Variants in LDLRAD4 observed in about 807,000 individuals in gnomAD.
LDLRAD4 encodes the protein low density lipoprotein receptor class A domain containing 4, also known as low-density lipoprotein receptor class A domain-containing protein 4.
LDLRAD4 carries 5 observed loss-of-function variants against 17.0 expected under a neutral mutation model. The ratio of observed to expected loss-of-function variants is 0.29; its 90% confidence interval spans 0.15 to 0.62. The LOEUF is 0.62. LDLRAD4 is among the 20% of genes least tolerant of loss of function. The pLI is 0.84. For missense variants in LDLRAD4, 340 were observed against 424.7 expected (o/e 0.80, Z 1.75); for synonymous variants, 168 against 171.8 (o/e 0.98, Z 0.17).
chr18:13,273,215 A>T (rs147218232), upstream of LDLRAD4, among the ~76,000 whole-genome samples: 12 of 152,222 alleles, frequency 7.9e-5, no homozygotes, highest in African/African-American at 2.6e-4. Context: ...TTTCTATTTC[A>T]TATGTCACCA....
chr18:13,651,087 T>G (rs1437422293), exon 6 of LDLRAD4: 21 of 152,244 alleles, frequency 1.4e-4, no homozygotes, highest in Non-Finnish European at 7.3e-5. Flanking sequence ...AAAAATGTTG[T>G]TTTTCAACTT....
intron 1 of LDLRAD4, among the ~76,000 whole-genome samples, chr18:13,373,550 A>G (rs549535391): frequency 1.3e-5 from 2 of 152,354 alleles, no homozygotes; most frequent in South Asian, 4.1e-4. Context: ...AGCTTATACT[A>G]TAATTCAATG....
intron 3 of LDLRAD4, among the ~76,000 whole-genome samples, chr18:13,605,018 G>A (rs1379589379): frequency 1.3e-5 from 2 of 152,216 alleles, no homozygotes; most frequent in African/African-American, 4.8e-5. Flanking sequence ...GGGACAGAGA[G>A]AAAGCGGGGC....
rs57266612 is a variant in LDLRAD4 at position 13,406,120 on chromosome 18, A to T, written c.40+18358A>T. 8.1e-3 allele frequency among the ~76,000 whole-genome samples: 1,240 copies of T among 152,286 alleles called. 19 individuals carry two copies. Among genetic ancestry groups the T allele is most frequent in the African/African-American group, 0.027 (1,140 of 41,564 alleles). On this transcript the variant is annotated intron_variant, in intron 2 of 5. Transcript: ENST00000359446. ...GCTGGGCACCCATGCTGGCAGCCCC[A>T]GTGCTAGGGGACCCACGCCCATGCT...
intron 3 of LDLRAD4, among the ~76,000 whole-genome samples, chr18:13,530,422 C>T (rs886808490): frequency 7.9e-5 from 12 of 152,158 alleles, no homozygotes; most frequent in African/African-American, 2.4e-4. Context: ...TGGAGCATTC[C>T]GAGGCTTTAG....
At chr18:13,515,054 T>G (rs1345789594) in intron 3 of LDLRAD4, 5 of 152,268 alleles carry the variant, frequency 3.3e-5, no homozygotes, top group African/African-American at 1.2e-4. Flanking sequence ...GACATTTTGC[T>G]ATATTTAAAT....
At chr18:13,407,780 C>T (rs1411532964) in intron 2 of LDLRAD4, among the ~76,000 whole-genome samples, 1 of 152,216 alleles carries the variant, frequency 6.6e-6, no homozygotes, top group Non-Finnish European at 1.5e-5. Flanking sequence ...ACAGCCCTCA[C>T]CATTGCTTTT....
intron 1 of LDLRAD4, among the ~76,000 whole-genome samples, chr18:13,361,336 G>A (rs1275354258): frequency 6.6e-6 from 1 of 152,108 alleles, no homozygotes; most frequent in East Asian, 1.9e-4. Flanking sequence ...CTTGTTTCCT[G>A]TCATTTTAAC....
chr18:13,263,451 T>C (rs2044032071), intron 1 of LDLRAD4, among the ~76,000 whole-genome samples: 1 of 152,154 alleles, frequency 6.6e-6, no homozygotes, highest in Non-Finnish European at 1.5e-5. Context: ...GTGAGGACAG[T>C]GAGGGCACGG....
At chr18:13,326,314 T>G (rs928731797) in intron 1 of LDLRAD4, among the ~76,000 whole-genome samples, 1 of 152,176 alleles carries the variant, frequency 6.6e-6, no homozygotes, top group Non-Finnish European at 1.5e-5. Context: ...TACATTCTTG[T>G]GAGACTCTAG....
intron 1 of LDLRAD4, among the ~76,000 whole-genome samples, chr18:13,231,405 T>C (rs1344078360): frequency 6.6e-6 from 1 of 152,144 alleles, no homozygotes; most frequent in African/African-American, 2.4e-5. Context: ...GGGTCACCAT[T>C]CCTCCTGATT....
intron 3 of LDLRAD4, among the ~76,000 whole-genome samples, chr18:13,546,527 C>G (rs550647295): frequency 6.6e-5 from 10 of 152,060 alleles, no homozygotes; most frequent in Admixed American, 6.5e-4. Context: ...CACCACCATG[C>G]CTGGCTAATT....
At chr18:13,243,724 A>G (rs1598861168) in intron 1 of LDLRAD4, among the ~76,000 whole-genome samples, 1 of 124,530 alleles carries the variant, frequency 8.0e-6, no homozygotes, top group East Asian at 2.3e-4. Context: ...CCATCCACCC[A>G]CCCAGCGACC....
At chr18:13,612,616 T>G (rs2039691173) in intron 3 of LDLRAD4, 1 of 1,595,676 alleles carries the variant, frequency 6.3e-7, no homozygotes, top group East Asian at 2.3e-5. Context: ...CTGAGCTGCC[T>G]GGAGAGGAGA....
intron 3 of LDLRAD4, among the ~76,000 whole-genome samples, chr18:13,490,923 G>A (rs3809904): frequency 8.5e-5 from 13 of 152,126 alleles, no homozygotes; most frequent in African/African-American, 3.1e-4. Flanking sequence ...CTGGGCCTCT[G>A]TCTCTGGACG....
chr18:13,604,424 A>G (rs1192400719), intron 3 of LDLRAD4, among the ~76,000 whole-genome samples: 1 of 152,212 alleles, frequency 6.6e-6, no homozygotes, highest in Non-Finnish European at 1.5e-5. Flanking sequence ...TGTGTGCCAT[A>G]TACTGCGTGT....
intron 1 of LDLRAD4, among the ~76,000 whole-genome samples, chr18:13,237,492 G>A (rs995836561): frequency 6.6e-6 from 1 of 152,218 alleles, no homozygotes; most frequent in African/African-American, 2.4e-5. Context: ...TTGCATTGGA[G>A]ACAGAGGTGA....
intron 2 of LDLRAD4, among the ~76,000 whole-genome samples, chr18:13,397,395 G>A (rs1006559246): frequency 4.6e-5 from 7 of 152,058 alleles, no homozygotes; most frequent in South Asian, 2.1e-4. Context: ...CACCCACCTC[G>A]GCCTCCCAAA....
chr18:13,385,721 A>G (rs1313151076), intron 1 of LDLRAD4, among the ~76,000 whole-genome samples: 1 of 152,202 alleles, frequency 6.6e-6, no homozygotes, highest in East Asian at 1.9e-4. Context: ...AAAGTTCATG[A>G]TGCTAGTGCA....
Sources: gnomAD v4.1 joint callset for allele counts (sites outside exome capture counted in the v4.1 genomes callset) on GRCh38, gnomAD v4.1.1 for gene constraint, MANE v1.5 for transcripts, NCBI Gene and HGNC (gene_info 2026-07-23, HGNC 2026-07-21) for gene names.